DSCAM: variants seen among roughly 807,000 people sequenced by gnomAD.
The protein encoded by DSCAM is DS cell adhesion molecule.
DSCAM carries 47 observed loss-of-function variants against 217.7 expected under a neutral mutation model. That is an observed-to-expected ratio of 0.22 (90% CI 0.17 to 0.28). The LOEUF is 0.28. Among genes scored for constraint, DSCAM ranks in the 10% least tolerant of loss-of-function variants. The pLI is 1.00. For synonymous variants in DSCAM, 1,056 were observed against 1,015.3 expected (o/e 1.04, Z -0.76); for missense variants, 2,080 against 2,618.3 (o/e 0.79, Z 4.49).
chr21:40,065,079 A>G (rs2089186524), intron 27 of DSCAM, among the ~76,000 whole-genome samples: 1 of 152,068 alleles, frequency 6.6e-6, no homozygotes, highest in Admixed American at 6.6e-5. Context: ...GATAGAGGAA[A>G]TCTGTACGAA....
At chr21:40,808,152 C>T (rs1310340225) in intron 1 of DSCAM, among the ~76,000 whole-genome samples, 1 of 152,142 alleles carries the variant, frequency 6.6e-6, no homozygotes, top group African/African-American at 2.4e-5. Context: ...GTCTGAATGA[C>T]CATCCAGCTT....
intron 11 of DSCAM, among the ~76,000 whole-genome samples, chr21:40,220,904 T>G (rs1242359209): frequency 6.6e-6 from 1 of 152,210 alleles, no homozygotes; most frequent in Non-Finnish European, 1.5e-5. Context: ...ACAAGCTTAC[T>G]TTTACAACGT....
At chr21:40,622,584 G>A (rs2089535904) in intron 3 of DSCAM, among the ~76,000 whole-genome samples, 1 of 152,126 alleles carries the variant, frequency 6.6e-6, no homozygotes, top group South Asian at 2.1e-4. Context: ...CTCCCTCACT[G>A]AATGAGGTAA....
At chr21:40,458,625 AGTAAAT>A (rs2075782076) in intron 3 of DSCAM, among the ~76,000 whole-genome samples, 1 of 152,204 alleles carries the variant, frequency 6.6e-6, no homozygotes, top group Non-Finnish European at 1.5e-5. Flanking sequence ...AGACCTATTA[AGTAAAT>A]GTAAAGTTTT....
chr21:40,182,709 T>TCC (rs2090835371), intron 14 of DSCAM, among the ~76,000 whole-genome samples: 1 of 57,972 alleles, frequency 1.7e-5, no homozygotes. Flanking sequence ...GGGGGGGGGT[T>TCC]ACCAGAGAAA....
intron 3 of DSCAM, among the ~76,000 whole-genome samples, chr21:40,656,487 A>G (rs1024859549): frequency 4.6e-5 from 7 of 151,872 alleles, no homozygotes; most frequent in African/African-American, 1.7e-4. Flanking sequence ...AGTTGACAAG[A>G]AAAAAGCTTA....
chr21:40,827,468 C>CAAAAAAA (rs55906607), intron 1 of DSCAM, among the ~76,000 whole-genome samples: 4 of 57,064 alleles, frequency 7.0e-5, no homozygotes, highest in Admixed American at 4.0e-4. Context: ...GTCCATGTCT[C>CAAAAAAA]AAAAAAAAAA....
At chr21:40,384,368 G>T (rs1488250080) in intron 3 of DSCAM, among the ~76,000 whole-genome samples, 1 of 152,146 alleles carries the variant, frequency 6.6e-6, no homozygotes, top group Non-Finnish European at 1.5e-5. Context: ...AGCACTTTGG[G>T]AGGCCTAGGT....
At chr21:40,352,063 T>A (rs1263820451) in intron 5 of DSCAM, among the ~76,000 whole-genome samples, 1 of 152,200 alleles carries the variant, frequency 6.6e-6, no homozygotes, top group African/African-American at 2.4e-5. Context: ...TTTTTTGAAT[T>A]TTTGCAATCA....
intron 3 of DSCAM, among the ~76,000 whole-genome samples, chr21:40,629,998 A>C (rs1263129090): frequency 6.6e-6 from 1 of 152,196 alleles, no homozygotes; most frequent in Non-Finnish European, 1.5e-5. Context: ...TGCTATAAAC[A>C]AAGAGGGTGC....
intron 8 of DSCAM, among the ~76,000 whole-genome samples, chr21:40,324,041 T>G (rs1000445762): frequency 2.9e-5 from 4 of 137,674 alleles, no homozygotes; most frequent in Non-Finnish European, 4.5e-5. Flanking sequence ...AAGCAGAGAT[T>G]GCAGTGAGCC....
At chr21:40,620,545 C>A (rs974596618) in intron 3 of DSCAM, among the ~76,000 whole-genome samples, 4 of 148,168 alleles carry the variant, frequency 2.7e-5, no homozygotes, top group Non-Finnish European at 6.0e-5. Context: ...GCAGGCAATA[C>A]CAAATAATGG....
chr21:40,758,666 C>T (rs1223901182), intron 1 of DSCAM, among the ~76,000 whole-genome samples: 7 of 152,094 alleles, frequency 4.6e-5, no homozygotes, highest in African/African-American at 9.6e-5. Flanking sequence ...AGGCCAACTC[C>T]GGTTTTGTCA....
At chr21:40,756,162 C>T (rs139614234) in intron 1 of DSCAM, among the ~76,000 whole-genome samples, 39 of 152,156 alleles carry the variant, frequency 2.6e-4, no homozygotes, top group African/African-American at 8.9e-4. Context: ...GGTACTGTCA[C>T]GATAATGAGT....
intron 3 of DSCAM, among the ~76,000 whole-genome samples, chr21:40,450,663 A>G (rs1382369695): frequency 1.3e-5 from 2 of 152,222 alleles, no homozygotes; most frequent in African/African-American, 4.8e-5. Flanking sequence ...ATAGGCATGA[A>G]GTTTATCTAA....
chr21:40,018,204 A>C (rs1456503010), intron 32 of DSCAM, among the ~76,000 whole-genome samples: 1 of 152,222 alleles, frequency 6.6e-6, no homozygotes, highest in African/African-American at 2.4e-5. Context: ...TTGTAATGTG[A>C]ACATCCTTTT....
intron 3 of DSCAM, among the ~76,000 whole-genome samples, chr21:40,590,285 T>C (rs2837727): frequency 1.4e-4 from 21 of 152,208 alleles, no homozygotes; most frequent in Non-Finnish European, 1.5e-5. Context: ...AAGATTCGAA[T>C]ATCCCCTATT....
chr21:40,521,483 T>C (rs771516257), intron 3 of DSCAM, among the ~76,000 whole-genome samples: 3 of 152,172 alleles, frequency 2.0e-5, no homozygotes, highest in Non-Finnish European at 4.4e-5. Context: ...CTCATTGTGG[T>C]TTGGATTTGC....
intron 3 of DSCAM, among the ~76,000 whole-genome samples, chr21:40,692,317 T>C (rs2090546926): frequency 6.6e-6 from 1 of 152,224 alleles, no homozygotes; most frequent in African/African-American, 2.4e-5. Flanking sequence ...TATGCAAATA[T>C]ACATTTCATT....
Sources: gnomAD v4.1 joint callset for allele counts (sites outside exome capture counted in the v4.1 genomes callset) on GRCh38, gnomAD v4.1.1 for gene constraint, MANE v1.5 for transcripts, NCBI Gene and HGNC (gene_info 2026-07-23, HGNC 2026-07-21) for gene names.